DUSP22: variants seen among roughly 807,000 people sequenced by gnomAD.
The protein encoded by DUSP22 is dual specificity protein phosphatase 22.
In DUSP22, 24 loss-of-function variants were observed where a neutral mutation model predicts 24.5. That is an observed-to-expected ratio of 0.98 (90% confidence interval 0.71 to 1.38). DUSP22 has a LOEUF of 1.38. DUSP22 is among the 40% of genes most tolerant of loss of function. The pLI is 0.00. For missense variants in DUSP22, 330 were observed against 269.2 expected (o/e 1.23, Z -1.58); for synonymous variants, 160 against 106.4 (o/e 1.50, Z -3.10).
Position 292,503 on chromosome 6 carries a change from C to G in DUSP22, c.-37C>G, listed in dbSNP as rs771184537. 1.2e-6 allele frequency: 2 copies of G among 1,603,746 alleles called. No individual in the cohort carries two copies. The highest frequency in any genetic ancestry group is 1.1e-5 in the South Asian group (1 of 90,256). Reference sequence around the variant, plus strand: ...TAACATGCCATAGTGCGCCTGCGACCACACGGCCGGGGCGCTAGCGTTCGC... The same window carrying G: ...TAACATGCCATAGTGCGCCTGCGACGACACGGCCGGGGCGCTAGCGTTCGC... On this transcript the variant is annotated 5_prime_UTR_variant, in exon 1 of 7. Coordinates refer to ENST00000419235, the MANE Select transcript of DUSP22 (RefSeq NM_001286555.3).
chr6:311,074 C>T (rs905204954), intron 2 of DUSP22, among the ~76,000 whole-genome samples: 24 of 152,404 alleles, frequency 1.6e-4, no homozygotes, highest in Admixed American at 9.8e-4. Context: ...GAAAAAAAGA[C>T]GAATCAGGAG....
At chr6:302,319 G>A (rs2127391691) in intron 1 of DUSP22, among the ~76,000 whole-genome samples, 1 of 152,418 alleles carries the variant, frequency 6.6e-6, no homozygotes, top group East Asian at 1.9e-4. Context: ...AGTCTGGATA[G>A]TGGCCAGTGG....
chr6:342,414 G>C (rs1300711912), intron 4 of DUSP22, among the ~76,000 whole-genome samples: 1 of 152,312 alleles, frequency 6.6e-6, no homozygotes. Flanking sequence ...GTGCCGTCCA[G>C]CTGCACCCCT....
At chr6:306,880 G>A (rs1457374031) in intron 2 of DUSP22, among the ~76,000 whole-genome samples, 1 of 152,304 alleles carries the variant, frequency 6.6e-6, no homozygotes, top group Non-Finnish European at 1.5e-5. Flanking sequence ...GTGTAGACTG[G>A]GAAGATGGAG....
chr6:318,069 C>T (rs975563384), intron 3 of DUSP22, among the ~76,000 whole-genome samples: 17 of 152,420 alleles, frequency 1.1e-4, no homozygotes, highest in Middle Eastern at 3.4e-3. Flanking sequence ...TAGTAAGCAG[C>T]GGTGCCTGTG....
At chr6:311,084 G>C (rs1400235173) in intron 2 of DUSP22, among the ~76,000 whole-genome samples, 2 of 152,306 alleles carry the variant, frequency 1.3e-5, no homozygotes, top group East Asian at 3.8e-4. Flanking sequence ...CGAATCAGGA[G>C]AGTGGCAATT....
At chr6:347,666 A>G (rs1253653023) in intron 5 of DUSP22, among the ~76,000 whole-genome samples, 3 of 152,308 alleles carry the variant, frequency 2.0e-5, no homozygotes, top group African/African-American at 7.2e-5. Context: ...TCTAGCCCTC[A>G]TATAGCTGAG....
At chr6:312,397 C>T (rs920772296) in intron 3 of DUSP22, among the ~76,000 whole-genome samples, 11 of 152,272 alleles carry the variant, frequency 7.2e-5, no homozygotes, top group Non-Finnish European at 1.0e-4. Context: ...GAAGGTGAAT[C>T]GTCCTGGAGG....
intron 1 of DUSP22, among the ~76,000 whole-genome samples, chr6:297,813 G>A (rs1056399781): frequency 6.6e-6 from 1 of 152,300 alleles, no homozygotes; most frequent in South Asian, 2.1e-4. Context: ...GGCAGGTCAG[G>A]CACCTTTGTG....
At chr6:318,579 G>A (rs1452739766) in intron 3 of DUSP22, among the ~76,000 whole-genome samples, 5 of 151,914 alleles carry the variant, frequency 3.3e-5, no homozygotes, top group Admixed American at 6.5e-5. Context: ...AGGACCCCAG[G>A]GCCTTTCCCC....
At chr6:344,236 T>G (rs1476794903) in intron 4 of DUSP22, among the ~76,000 whole-genome samples, 5 of 150,544 alleles carry the variant, frequency 3.3e-5, no homozygotes, top group African/African-American at 1.3e-4. Flanking sequence ...AACTAAAGAG[T>G]TAGAAGAAGA....
Position 319,576 on chromosome 6 carries a change from G to A in DUSP22, c.138+7614G>A, listed in dbSNP as rs537513779. Among the ~76,000 whole-genome samples the A allele has an allele frequency of 5.9e-5, 9 of 152,418 alleles. No homozygotes were observed. In the South Asian group the frequency reaches 6.2e-4, roughly 11 times the overall value. On this transcript the variant is annotated intron_variant, in intron 3 of 6. Transcript: ENST00000419235. ...CCTTTTTTAGGACTCACAGATGCCC[G>A]GGGGATACAGCTTGAAGCACTGGGC...
chr6:334,708 G>T (rs935206353), intron 3 of DUSP22, among the ~76,000 whole-genome samples: 1 of 152,306 alleles, frequency 6.6e-6, no homozygotes, highest in Non-Finnish European at 1.5e-5. Context: ...TCTTGTTAAG[G>T]TTTTTACTTA....
chr6:328,052 A>C (rs1758966120), intron 3 of DUSP22, among the ~76,000 whole-genome samples: 1 of 152,302 alleles, frequency 6.6e-6, no homozygotes, highest in Non-Finnish European at 1.5e-5. Flanking sequence ...GTAAGAGATA[A>C]ATTTTTCCCT....
At chr6:335,328 T>G (rs1030960277) in intron 4 of DUSP22, among the ~76,000 whole-genome samples, 165 bp downstream of exon 4, 8 of 152,306 alleles carry the variant, frequency 5.3e-5, no homozygotes, top group Admixed American at 3.9e-4. Flanking sequence ...CTAGGCAGGC[T>G]GGGATGAGCT....
At chr6:323,365 A>G (rs1278386952) in intron 3 of DUSP22, among the ~76,000 whole-genome samples, 1 of 152,300 alleles carries the variant, frequency 6.6e-6, no homozygotes, top group South Asian at 2.1e-4. Flanking sequence ...AGCATTCATC[A>G]CTGAGCAGGG....
intron 3 of DUSP22, among the ~76,000 whole-genome samples, chr6:318,054 T>A (rs1758415110): frequency 6.6e-6 from 1 of 152,300 alleles, no homozygotes; most frequent in Admixed American, 6.5e-5. Flanking sequence ...AGTTCCTCAC[T>A]TCCTTAGTAA....
intron 2 of DUSP22, among the ~76,000 whole-genome samples, chr6:307,390 C>T (rs1026404495): frequency 1.3e-5 from 2 of 152,292 alleles, no homozygotes; most frequent in African/African-American, 2.4e-5. Flanking sequence ...GCCTGTCACT[C>T]TGCAACTCTT....
intron 3 of DUSP22, among the ~76,000 whole-genome samples, chr6:327,356 C>A (rs1758928520): frequency 6.6e-6 from 1 of 152,308 alleles, no homozygotes; most frequent in Non-Finnish European, 1.5e-5. Context: ...GGCCGGCCCG[C>A]ACTGGACGGT....
Sources: gnomAD v4.1 joint callset for allele counts (sites outside exome capture counted in the v4.1 genomes callset) on GRCh38, gnomAD v4.1.1 for gene constraint, MANE v1.5 for transcripts, NCBI Gene and HGNC (gene_info 2026-07-23, HGNC 2026-07-21) for gene names.